The following TANGO6 variants were observed in gnomAD, a reference collection of about 807,000 sequenced individuals.
TANGO6 encodes transport and Golgi organization protein 6 homolog.
Under a neutral mutation model 114.2 loss-of-function variants are expected in TANGO6, and 90 were observed. The ratio of observed to expected loss-of-function variants is 0.79; its 90% CI spans 0.66 to 0.94. The LOEUF is 0.94. Ranked by LOEUF, TANGO6 falls within the 40% of genes least tolerant of loss-of-function variation. The pLI is 0.00. For synonymous variants in TANGO6, 477 were observed against 509.8 expected (o/e 0.94, Z 0.87); for missense variants, 1,274 against 1,315.3 (o/e 0.97, Z 0.49).
At chr16:69,000,493 C>T (rs914267928) in intron 15 of TANGO6, among the ~76,000 whole-genome samples, 6 of 152,148 alleles carry the variant, frequency 3.9e-5, no homozygotes, top group South Asian at 2.1e-4. Context: ...CTTAGCTTTC[C>T]AGACAAGATC....
intron 17 of TANGO6, among the ~76,000 whole-genome samples, chr16:69,073,249 G>A (rs879294259): frequency 2.0e-5 from 3 of 152,172 alleles, no homozygotes; most frequent in Non-Finnish European, 2.9e-5. Flanking sequence ...GTTCCCCCAA[G>A]CCATTTCCTT....
At chr16:68,891,955 CAG>C (rs948915722) in intron 7 of TANGO6, among the ~76,000 whole-genome samples, 1 of 109,102 alleles carries the variant, frequency 9.2e-6, no homozygotes, top group African/African-American at 3.7e-5. Flanking sequence ...GGAAGGAAGG[CAG>C]GGAGGAGGGA....
At chr16:69,061,296 G>T (rs1960111991) in intron 17 of TANGO6, among the ~76,000 whole-genome samples, 1 of 152,178 alleles carries the variant, frequency 6.6e-6, no homozygotes, top group Non-Finnish European at 1.5e-5. Context: ...TGGACGCAGT[G>T]GCTCATGCCT....
At chr16:68,940,581 A>G (rs926822854) in intron 14 of TANGO6, among the ~76,000 whole-genome samples, 3 of 143,604 alleles carry the variant, frequency 2.1e-5, no homozygotes, top group African/African-American at 3.0e-5. Context: ...AGGGCATTGG[A>G]CAGTTTGGTG....
intron 15 of TANGO6, among the ~76,000 whole-genome samples, chr16:68,980,581 A>T (rs1167193680): frequency 6.6e-6 from 1 of 151,496 alleles, no homozygotes; most frequent in East Asian, 1.9e-4. Flanking sequence ...CCAGCTACTC[A>T]GGACTCCGAG....
At chr16:69,051,276 C>G (rs574184664) in intron 17 of TANGO6, among the ~76,000 whole-genome samples, 1 of 152,226 alleles carries the variant, frequency 6.6e-6, no homozygotes, top group South Asian at 2.1e-4. Context: ...CACGGTGGCT[C>G]ACGCCTGTAA....
intron 17 of TANGO6, among the ~76,000 whole-genome samples, chr16:69,057,010 T>C (rs893142311): frequency 3.0e-5 from 4 of 132,932 alleles, no homozygotes; most frequent in African/African-American, 5.7e-5. Flanking sequence ...TTTTTTTTTT[T>C]TTTTTTTTTT....
intron 5 of TANGO6, among the ~76,000 whole-genome samples, chr16:68,877,324 T>C (rs898084204): frequency 1.4e-4 from 21 of 151,582 alleles, no homozygotes; most frequent in Non-Finnish European, 2.7e-4. Flanking sequence ...AAAAATTAGC[T>C]GGGGGTAGTG....
In TANGO6 at chr16:68,924,050, G is replaced by A. The variant is rs1421220388; in HGVS notation, c.2128-3518G>A. Among the ~76,000 whole-genome samples the A allele has an allele frequency of 3.9e-5, 6 of 152,278 alleles. No homozygotes were observed. The East Asian group carries it at 1.2e-3, about 29-fold the overall frequency. ...TCTTTTATCAGAATTTCCCTAGAGTGGAGAGGCATCCTTCAACTGCTTGTA... is the reference window on the plus strand; with the variant it reads ...TCTTTTATCAGAATTTCCCTAGAGTAGAGAGGCATCCTTCAACTGCTTGTA... On this transcript the variant is annotated intron_variant, in intron 12 of 17. Coordinates refer to ENST00000261778, the MANE Select transcript of TANGO6 (RefSeq NM_024562.2).
At chr16:68,901,357 C>T (rs1433540673) in intron 8 of TANGO6, among the ~76,000 whole-genome samples, 1 of 152,204 alleles carries the variant, frequency 6.6e-6, no homozygotes, top group Non-Finnish European at 1.5e-5. Context: ...CATAGTTCCC[C>T]TGGCTCTTCA....
At chr16:68,941,392 A>G (rs536227068) in intron 14 of TANGO6, among the ~76,000 whole-genome samples, 2 of 152,236 alleles carry the variant, frequency 1.3e-5, no homozygotes, top group Non-Finnish European at 2.9e-5. Flanking sequence ...AGTTTTATGA[A>G]TCTATTAGGT....
intron 14 of TANGO6, among the ~76,000 whole-genome samples, chr16:68,953,397 T>A (rs1264487445): frequency 6.6e-6 from 1 of 152,170 alleles, no homozygotes; most frequent in African/African-American, 2.4e-5. Context: ...AGATATTTAT[T>A]GAGCACTGCT....
intron 7 of TANGO6, among the ~76,000 whole-genome samples, chr16:68,891,842 A>T: frequency 6.9e-6 from 1 of 144,698 alleles, no homozygotes; most frequent in South Asian, 2.3e-4. Context: ...AGGGAAAGGG[A>T]AAGAAAAGGA....
chr16:68,964,722 G>A (rs372198025), intron 14 of TANGO6, among the ~76,000 whole-genome samples: 15 of 151,496 alleles, frequency 9.9e-5, no homozygotes, highest in East Asian at 3.9e-4. Context: ...ATGCATCACC[G>A]TGCACAGCTA....
At chr16:69,065,768 C>T (rs964202939) in intron 17 of TANGO6, among the ~76,000 whole-genome samples, 3 of 152,130 alleles carry the variant, frequency 2.0e-5, no homozygotes, top group East Asian at 1.9e-4. Context: ...ACCGTCCTGA[C>T]GCTTTCAGTG....
intron 16 of TANGO6, among the ~76,000 whole-genome samples, chr16:69,024,457 CG>C (rs1342214457): frequency 7.2e-5 from 11 of 151,944 alleles, no homozygotes; most frequent in African/African-American, 2.4e-4. Context: ...TTAGTAGAGA[CG>C]GGGTTTCACC....
At chr16:68,899,811 G>C (rs1048074457) in intron 7 of TANGO6, among the ~76,000 whole-genome samples, 1 of 152,056 alleles carries the variant, frequency 6.6e-6, no homozygotes, top group Non-Finnish European at 1.5e-5. Context: ...ATGTTGCCCA[G>C]CTAGGCTTGA....
chr16:68,904,948 C>A (rs921744715), intron 9 of TANGO6, among the ~76,000 whole-genome samples: 1 of 152,080 alleles, frequency 6.6e-6, no homozygotes, highest in Non-Finnish European at 1.5e-5. Context: ...AAAGGCCAGG[C>A]GCAGTGGCTC....
chr16:68,984,920 C>T (rs1227028166), intron 15 of TANGO6, among the ~76,000 whole-genome samples: 2 of 150,414 alleles, frequency 1.3e-5, no homozygotes, highest in African/African-American at 4.9e-5. Context: ...TTTCTTCAAG[C>T]TTTTTTTTTC....
Sources: gnomAD v4.1 joint callset for allele counts (sites outside exome capture counted in the v4.1 genomes callset) on GRCh38, gnomAD v4.1.1 for gene constraint, MANE v1.5 for transcripts, NCBI Gene and HGNC (gene_info 2026-07-23, HGNC 2026-07-21) for gene names.